Variants in RAI14 observed in about 807,000 individuals in gnomAD.
RAI14 encodes retinoic acid induced 14.
In RAI14, 45 loss-of-function variants were observed where a neutral mutation model predicts 115.4. The ratio of observed to expected loss-of-function variants is 0.39; its 90% CI spans 0.31 to 0.50. RAI14 has a LOEUF of 0.50. RAI14 is among the 20% of genes least tolerant of loss of function. The probability of loss-of-function intolerance (pLI) is 0.85; values close to 1 mark genes in which losing one functional copy is unlikely to be tolerated. For missense variants in RAI14, 939 were observed against 1,131.2 expected (o/e 0.83, Z 2.44); for synonymous variants, 371 against 415.4 (o/e 0.89, Z 1.30).
At chr5:34,775,737 A>G (rs1279889169) in intron 3 of RAI14, among the ~76,000 whole-genome samples, 1 of 152,232 alleles carries the variant, frequency 6.6e-6, no homozygotes, top group Non-Finnish European at 1.5e-5. Flanking sequence ...CACCCCAGTT[A>G]AAATGGCTGA....
chr5:34,783,600 GGCC>G (rs1196174002), intron 3 of RAI14, among the ~76,000 whole-genome samples: 1 of 152,142 alleles, frequency 6.6e-6, no homozygotes, highest in East Asian at 1.9e-4. Flanking sequence ...GACAGCATCT[GGCC>G]TTTAGGCAGG....
intron 2 of RAI14, among the ~76,000 whole-genome samples, chr5:34,751,669 G>A (rs1299642557): frequency 1.3e-5 from 2 of 152,192 alleles, no homozygotes; most frequent in African/African-American, 2.4e-5. Context: ...TAATTTATCC[G>A]TCGTTTGTTA....
At chr5:34,789,273 C>T (rs1419307453) in intron 3 of RAI14, among the ~76,000 whole-genome samples, 1 of 152,198 alleles carries the variant, frequency 6.6e-6, no homozygotes, top group Non-Finnish European at 1.5e-5. Context: ...GGGAAATCTA[C>T]CCACCATCAT....
chr5:34,822,580 T>G (rs1756972794), intron 14 of RAI14, among the ~76,000 whole-genome samples: 1 of 149,564 alleles, frequency 6.7e-6, no homozygotes, highest in African/African-American at 2.4e-5. Flanking sequence ...ACAGGCAAAG[T>G]GATCATGCTA....
chr5:34,792,455 C>A (rs947967565), intron 3 of RAI14, among the ~76,000 whole-genome samples: 1 of 152,020 alleles, frequency 6.6e-6, no homozygotes, highest in Non-Finnish European at 1.5e-5. Flanking sequence ...AGGATGGTCT[C>A]GATCTCCTGA....
At chr5:34,772,305 AT>A (rs1750263838) in intron 3 of RAI14, among the ~76,000 whole-genome samples, 1 of 152,222 alleles carries the variant, frequency 6.6e-6, no homozygotes, top group East Asian at 1.9e-4. Context: ...GAATCCAGAA[AT>A]TACTTGTAAT....
intron 1 of RAI14, among the ~76,000 whole-genome samples, chr5:34,674,224 G>T (rs994508881): frequency 6.6e-6 from 1 of 152,210 alleles, no homozygotes; most frequent in African/African-American, 2.4e-5. Flanking sequence ...TAGGGCATCA[G>T]AGTTCACAGA....
In RAI14 at chr5:34,818,867, A is replaced by G; in HGVS notation, c.994+16A>G. 4 of 1,567,552 alleles carry G rather than the reference A, an allele frequency of 2.6e-6. No individual in the cohort carries two copies. The highest frequency in any genetic ancestry group is 3.5e-6 in the Non-Finnish European group (4 of 1,155,752). On this transcript the variant is annotated intron_variant, in intron 13 of 17. Transcript: ENST00000265109. Reference sequence around the variant, plus strand: ...AGTACTACAGGTAAGACAAGGAAGCATCTGTTTTTTTTTTTCCTTCAACCA... The same window carrying G: ...AGTACTACAGGTAAGACAAGGAAGCGTCTGTTTTTTTTTTTCCTTCAACCA...
At chr5:34,797,424 T>C (rs1753675134) in intron 4 of RAI14, among the ~76,000 whole-genome samples, 1 of 144,870 alleles carries the variant, frequency 6.9e-6, no homozygotes, top group Non-Finnish European at 1.5e-5. Flanking sequence ...TGGGAATCTT[T>C]ATCCTTTGAG....
At chr5:34,819,802 T>A (rs189093160) in intron 13 of RAI14, among the ~76,000 whole-genome samples, 1 of 152,162 alleles carries the variant, frequency 6.6e-6, no homozygotes, top group Non-Finnish European at 1.5e-5. Flanking sequence ...GGGGTCTTAC[T>A]GTATTGCCCA....
chr5:34,667,357 C>G (rs2149849271), intron 1 of RAI14: 1 of 152,322 alleles, frequency 6.6e-6, no homozygotes, highest in East Asian at 1.9e-4. Flanking sequence ...CCCACCTTAG[C>G]CTCCCTGGAG....
chr5:34,779,904 C>T (rs775434560), intron 3 of RAI14, among the ~76,000 whole-genome samples: 13 of 152,134 alleles, frequency 8.5e-5, no homozygotes, highest in Non-Finnish European at 1.9e-4. Context: ...AAAGAGCCTG[C>T]ATTGCCAAGT....
rs551239122 is a variant in RAI14 at position 34,822,889 on chromosome 5, G to A, written c.1114-67G>A. Reference sequence around the variant, plus strand: ...TTTTTAGTAGAGACGGGGTTTCACCGTGTTAGCCAGGATGGTCTCAATCTC... The same window carrying A: ...TTTTTAGTAGAGACGGGGTTTCACCATGTTAGCCAGGATGGTCTCAATCTC... On this transcript the variant is annotated intron_variant, in intron 14 of 17. Coordinates refer to ENST00000265109, the MANE Select transcript of RAI14 (RefSeq NM_015577.3). 6.5e-4 allele frequency: 870 copies of A among 1,347,032 alleles called. 2 individuals carry two copies. The highest frequency in any genetic ancestry group is 8.9e-4 in the Admixed American group (41 of 45,894). The allele number at this position is 1,347,032 out of a possible 1,614,324, so 83.4% of individuals were successfully genotyped here. A position where few individuals can be genotyped will look rare whatever the true frequency, so the allele number is the denominator to read the frequency against.
At chr5:34,750,044 CAAG>C (rs1283470531) in intron 2 of RAI14, among the ~76,000 whole-genome samples, 1 of 152,132 alleles carries the variant, frequency 6.6e-6, no homozygotes, top group Non-Finnish European at 1.5e-5. Flanking sequence ...GAACATTAGT[CAAG>C]AAGGAACAGT....
chr5:34,686,846 C>T (rs1393772946), intron 1 of RAI14, 26 bp from the exon 2 acceptor site: 11 of 1,465,504 alleles, frequency 7.5e-6, no homozygotes, highest in Non-Finnish European at 1.0e-5. Flanking sequence ...TGGAAACCTA[C>T]ATATGTCCTT....
At chr5:34,740,890 A>G (rs1213435571) in intron 2 of RAI14, among the ~76,000 whole-genome samples, 3 of 152,242 alleles carry the variant, frequency 2.0e-5, no homozygotes, top group African/African-American at 4.8e-5. Flanking sequence ...CTTGAGAACT[A>G]TAAGAGTTCT....
At chr5:34,712,531 G>A (rs566066365) in intron 2 of RAI14, among the ~76,000 whole-genome samples, 3 of 152,272 alleles carry the variant, frequency 2.0e-5, no homozygotes, top group African/African-American at 7.2e-5. Flanking sequence ...ATTGCTTTTC[G>A]TTATACTTTC....
chr5:34,672,588 T>C (rs1237477816), intron 1 of RAI14, among the ~76,000 whole-genome samples: 1 of 152,206 alleles, frequency 6.6e-6, no homozygotes, highest in African/African-American at 2.4e-5. Flanking sequence ...TAGAACAGCC[T>C]GCAGTGTTCT....
At chr5:34,662,833 A>G (rs1189825231) in intron 1 of RAI14, among the ~76,000 whole-genome samples, 1 of 148,264 alleles carries the variant, frequency 6.7e-6, no homozygotes, top group African/African-American at 2.5e-5. Flanking sequence ...AGTTCAATCA[A>G]TTCTCCTGCC....
Sources: allele counts gnomAD v4.1 joint callset (sites outside exome capture counted in the v4.1 genomes callset), GRCh38; gene constraint gnomAD v4.1.1; transcripts MANE v1.5; gene names NCBI Gene and HGNC (gene_info 2026-07-23, HGNC 2026-07-21).